LTBP1: variants seen among roughly 807,000 people sequenced by gnomAD.
The protein encoded by LTBP1 is latent-transforming growth factor beta-binding protein 1.
Under a neutral mutation model 207.6 loss-of-function variants are expected in LTBP1, and 129 were observed. The observed-to-expected ratio is 0.62, with a 90% CI of 0.54 to 0.72. LTBP1 has a LOEUF of 0.72. LTBP1 is among the 30% of genes least tolerant of loss of function. The pLI, the probability that LTBP1 is intolerant of heterozygous loss-of-function variation, is 0.00. For synonymous variants in LTBP1, 963 were observed against 833.7 expected (o/e 1.16, Z -2.67); for missense variants, 2,281 against 2,217.2 (o/e 1.03, Z -0.58).
chr2:33,242,042 G>A (rs948400101), intron 9 of LTBP1, among the ~76,000 whole-genome samples: 4 of 152,162 alleles, frequency 2.6e-5, no homozygotes, highest in African/African-American at 9.7e-5. Context: ...CAGCAAATAT[G>A]CATTAACTTA....
chr2:33,200,462 T>C (rs909359670), intron 7 of LTBP1, among the ~76,000 whole-genome samples: 2 of 152,222 alleles, frequency 1.3e-5, no homozygotes, highest in Non-Finnish European at 2.9e-5. Context: ...TTATACCTTA[T>C]ACAAAAATTA....
chr2:33,324,779 GCAA>G (rs752009766), intron 24 of LTBP1, among the ~76,000 whole-genome samples: 7 of 142,360 alleles, frequency 4.9e-5, no homozygotes, highest in Non-Finnish European at 1.0e-4. Flanking sequence ...TCGGCTCACT[GCAA>G]CCTCCGCTTC....
intron 12 of LTBP1, among the ~76,000 whole-genome samples, chr2:33,258,861 G>C (rs1386758580): frequency 6.6e-6 from 1 of 152,108 alleles, no homozygotes; most frequent in Non-Finnish European, 1.5e-5. Flanking sequence ...GAAAAATCCT[G>C]GTGAATGTTG....
At chr2:33,345,183 C>T (rs1385249259) in intron 25 of LTBP1, among the ~76,000 whole-genome samples, 1 of 152,216 alleles carries the variant, frequency 6.6e-6, no homozygotes, top group African/African-American at 2.4e-5. Flanking sequence ...GCTATTTGCT[C>T]CAGTATCATT....
In LTBP1 at chr2:33,021,211, G is replaced by C; in HGVS notation, c.863+5G>C. ...CCCCCAGCAGATACATTCTCAGTGAGTGTTTCGAACTTTCATTTAGCTAAG... is the reference window on the plus strand; with the variant it reads ...CCCCCAGCAGATACATTCTCAGTGACTGTTTCGAACTTTCATTTAGCTAAG... On this transcript the variant is annotated splice_donor_5th_base_variant and intron_variant, in intron 3 of 33. Coordinates refer to ENST00000404816, the MANE Select transcript of LTBP1 (RefSeq NM_206943.4). 1 of 1,576,464 alleles carries C rather than the reference G, an allele frequency of 6.3e-7. No homozygotes were observed. Among genetic ancestry groups the C allele is most frequent in the Non-Finnish European group, 8.6e-7 (1 of 1,156,090 alleles).
rs1366425316 is a variant in LTBP1, at chr2:33,245,400, C to G, written c.1999+1616C>G. Among the ~76,000 whole-genome samples, 3 of 152,120 alleles carry G rather than the reference C, an allele frequency of 2.0e-5. No homozygotes were observed. In the East Asian group the frequency reaches 5.8e-4, roughly 29 times the overall value. On this transcript the variant is annotated intron_variant, in intron 10 of 33. Transcript: ENST00000404816. ...ATAAAAATGACAGTCTCATTTATTA[C>G]TTTTAGGTGAGTTTGTTGAGTCTTT...
At chr2:33,182,699 TAC>T (rs377663333) in intron 5 of LTBP1, among the ~76,000 whole-genome samples, 5,988 of 78,636 alleles carry the variant, frequency 0.076, 984 homozygotes, top group African/African-American at 0.14. Context: ...TATATATATA[TAC>T]ACACACACAC....
intron 5 of LTBP1, among the ~76,000 whole-genome samples, chr2:33,140,994 C>G (rs553049574): frequency 6.6e-6 from 1 of 152,272 alleles, no homozygotes; most frequent in East Asian, 1.9e-4. Flanking sequence ...AAGCTGTAGA[C>G]CACCTTTAAA....
intron 15 of LTBP1, among the ~76,000 whole-genome samples, chr2:33,266,436 C>T (rs760295547): frequency 2.0e-5 from 3 of 152,142 alleles, no homozygotes; most frequent in African/African-American, 7.2e-5. Context: ...CTCAGTGAAA[C>T]CCCACCTTCA....
intron 3 of LTBP1, among the ~76,000 whole-genome samples, chr2:33,049,029 A>G (rs1036600630): frequency 2.2e-4 from 34 of 152,220 alleles, no homozygotes; most frequent in African/African-American, 8.2e-4. Context: ...AGTAGAGGTG[A>G]TACATTAACA....
chr2:33,319,649 G>C (rs1161496630), intron 24 of LTBP1, among the ~76,000 whole-genome samples: 2 of 152,108 alleles, frequency 1.3e-5, no homozygotes, highest in Non-Finnish European at 2.9e-5. Context: ...CCAGTCGTGT[G>C]CCCAGGCTGA....
chr2:33,206,392 C>G (rs2089878625), intron 7 of LTBP1, among the ~76,000 whole-genome samples: 1 of 152,148 alleles, frequency 6.6e-6, no homozygotes. Flanking sequence ...CTTTGATTAT[C>G]TCTTTATAGA....
At chr2:33,208,607 A>AG (rs902404496) in intron 7 of LTBP1, among the ~76,000 whole-genome samples, 11 of 152,288 alleles carry the variant, frequency 7.2e-5, no homozygotes, top group African/African-American at 2.4e-4. Flanking sequence ...CCTGGCAGGC[A>AG]GGGGGCACCT....
chr2:32,989,023 A>G (rs1432641649), intron 2 of LTBP1, among the ~76,000 whole-genome samples: 1 of 152,232 alleles, frequency 6.6e-6, no homozygotes, highest in Non-Finnish European at 1.5e-5. Context: ...TTTTGGACCA[A>G]GATTCAGACG....
intron 3 of LTBP1, among the ~76,000 whole-genome samples, chr2:33,060,044 A>G (rs898547372): frequency 2.0e-5 from 3 of 152,118 alleles, no homozygotes; most frequent in African/African-American, 7.2e-5. Flanking sequence ...AATGTCAAAG[A>G]TTTTTTTCAT....
chr2:33,314,217 A>G (rs2094230032), intron 23 of LTBP1, among the ~76,000 whole-genome samples: 1 of 152,132 alleles, frequency 6.6e-6, no homozygotes, highest in African/African-American at 2.4e-5. Context: ...CGCTGATTTC[A>G]TCATCGGAAA....
intron 3 of LTBP1, among the ~76,000 whole-genome samples, chr2:33,054,630 A>G (rs2076899300): frequency 6.6e-6 from 1 of 152,220 alleles, no homozygotes; most frequent in African/African-American, 2.4e-5. Context: ...GGTGTGAGAA[A>G]CACCTGGTTA....
chr2:33,062,024 C>T (rs1572446313), intron 3 of LTBP1, among the ~76,000 whole-genome samples: 3 of 152,218 alleles, frequency 2.0e-5, no homozygotes, highest in Middle Eastern at 3.4e-3. Flanking sequence ...AGTGGTATCT[C>T]ATTATGTTTT....
In LTBP1 at chr2:33,228,699, T is replaced by C. The variant is rs1009390087; in HGVS notation, c.1876+6548T>C. Among the ~76,000 whole-genome samples the C allele has an allele frequency of 9.0e-3, 1,016 of 112,980 alleles. 140 individuals carry two copies. Among genetic ancestry groups the C allele is most frequent in the South Asian group, 0.011 (39 of 3,478 alleles). The allele number at this position is 112,980 out of a possible 152,430, so 74.1% of individuals were successfully genotyped here. A position where few individuals can be genotyped will look rare whatever the true frequency, so the allele number is the denominator to read the frequency against. ...ATAAGCCCAACCAGGGTTATACCCT[T>C]TTTTTTTTTTTTTTTTTTTGAGATG... On this transcript the variant is annotated intron_variant, in intron 9 of 33. Coordinates refer to ENST00000404816, the MANE Select transcript of LTBP1 (RefSeq NM_206943.4).
Sources: allele counts gnomAD v4.1 joint callset (sites outside exome capture counted in the v4.1 genomes callset), GRCh38; gene constraint gnomAD v4.1.1; transcripts MANE v1.5; gene names NCBI Gene and HGNC (gene_info 2026-07-23, HGNC 2026-07-21).